ARHGEF10: variants seen among roughly 807,000 people sequenced by gnomAD.
ARHGEF10 encodes Rho guanine nucleotide exchange factor (GEF) 10.
In ARHGEF10, 140 loss-of-function variants were observed where a neutral mutation model predicts 147.4. That is an observed-to-expected ratio of 0.95 (90% confidence interval 0.83 to 1.09). ARHGEF10 has a LOEUF of 1.09. ARHGEF10 is among the 50% of genes least tolerant of loss of function. The probability of loss-of-function intolerance (pLI) is 0.00; values close to 1 mark genes in which losing one functional copy is unlikely to be tolerated. For synonymous variants in ARHGEF10, 902 were observed against 695.8 expected, an observed-to-expected ratio of 1.30 and a Z score of -4.67; for missense variants, 2,222 against 1,752.7, an observed-to-expected ratio of 1.27 and a Z score of -4.78.
chr8:1,921,130 T>G (rs1305890492), intron 18 of ARHGEF10, among the ~76,000 whole-genome samples: 1 of 152,192 alleles, frequency 6.6e-6, no homozygotes, highest in Non-Finnish European at 1.5e-5. Flanking sequence ...ATGCAGTTAG[T>G]AATTGCATTT....
intron 26 of ARHGEF10, among the ~76,000 whole-genome samples, chr8:1,935,200 C>G (rs1433074815): frequency 2.6e-5 from 4 of 152,050 alleles, no homozygotes; most frequent in Admixed American, 2.6e-4. Context: ...CCCCTCCTCC[C>G]ACACACGCAC....
chr8:1,944,233 G>GCCTCCTGCACCGTGTCGCCTCCCTGGGGA (rs1563322615), intron 26 of ARHGEF10, among the ~76,000 whole-genome samples: 1 of 148,696 alleles, frequency 6.7e-6, no homozygotes, highest in Non-Finnish European at 1.5e-5. Flanking sequence ...CTCCCTGGGG[G>GCCTCCTGCACCGTGTCGCCTCCCTGGGGA]CCCCAGCCTC....
intron 2 of ARHGEF10, among the ~76,000 whole-genome samples, chr8:1,851,008 A>C (rs1398497808): frequency 6.8e-6 from 1 of 146,948 alleles, no homozygotes. Flanking sequence ...TTATACAGTA[A>C]CAAGCTCAGG....
intron 18 of ARHGEF10, among the ~76,000 whole-genome samples, chr8:1,912,623 A>C (rs976997703): frequency 6.6e-6 from 1 of 152,196 alleles, no homozygotes; most frequent in South Asian, 2.1e-4. Flanking sequence ...GGTGTTCGAC[A>C]TCCGGAGTTA....
intron 28 of ARHGEF10, among the ~76,000 whole-genome samples, chr8:1,954,829 T>C (rs560610969): frequency 6.6e-6 from 1 of 152,386 alleles, no homozygotes; most frequent in South Asian, 2.1e-4. Context: ...GCAGCCTCTG[T>C]TGCTTTTTCT....
rs565275794 is a variant in ARHGEF10, at chr8:1,887,785, G to A, written c.1182+2078G>A. The stretch of plus-strand genomic sequence containing the variant: ...GTGGGGTGAGGGTTGTGATGAGACA[G>A]TGAGTGGAGTAAGGGTTGTGGGGAG... On this transcript the variant is annotated intron_variant, in intron 11 of 28. Coordinates refer to ENST00000349830, the MANE Select transcript of ARHGEF10 (RefSeq NM_014629.4). Among the ~76,000 whole-genome samples, 10 of 133,570 alleles carry A rather than the reference G, an allele frequency of 7.5e-5. No individual in the cohort carries two copies. The East Asian group carries it at 2.5e-3, about 34-fold the overall frequency. The allele number at this position is 133,570 out of a possible 152,430, so 87.6% of individuals were successfully genotyped here.
intron 2 of ARHGEF10, among the ~76,000 whole-genome samples, chr8:1,846,594 T>G (rs977035026): frequency 1.3e-5 from 2 of 152,242 alleles, no homozygotes; most frequent in African/African-American, 4.8e-5. Context: ...CTTTTTTTTT[T>G]TGAGACGGAG....
intron 1 of ARHGEF10, among the ~76,000 whole-genome samples, chr8:1,841,190 A>T (rs1408398474): frequency 1.3e-5 from 2 of 152,148 alleles, no homozygotes; most frequent in African/African-American, 4.8e-5. Flanking sequence ...TGGTTTCTCC[A>T]TTGAAAAATA....
chr8:1,882,103 C>T (rs1000805227), intron 9 of ARHGEF10, among the ~76,000 whole-genome samples: 1 of 152,182 alleles, frequency 6.6e-6, no homozygotes, highest in Non-Finnish European at 1.5e-5. Flanking sequence ...GACCCTCCCT[C>T]AGGTGTGTCC....
At chr8:1,871,829 AAAAC>A (rs1807156140) in intron 7 of ARHGEF10, among the ~76,000 whole-genome samples, 1 of 152,208 alleles carries the variant, frequency 6.6e-6, no homozygotes, top group African/African-American at 2.4e-5. Context: ...AAAACAAAAC[AAAAC>A]AAACAACAGA....
intron 13 of ARHGEF10, 73 bp downstream of exon 13, chr8:1,894,645 A>T: frequency 6.4e-7 from 1 of 1,553,618 alleles, no homozygotes; most frequent in South Asian, 1.1e-5. Flanking sequence ...TCTTAGGCTG[A>T]TGTTTTGCCC....
intron 7 of ARHGEF10, chr8:1,876,327 G>C (rs1205622114): frequency 1.7e-6 from 1 of 571,558 alleles, no homozygotes; most frequent in Non-Finnish European, 3.1e-6. Context: ...GTACAGATGG[G>C]GCAGGGGCAC....
rs768339597 is a variant in ARHGEF10 at position 1,928,567 on chromosome 8, G to T, written c.2838G>T (p.Glu946Asp). The change falls in exon 24 of 29, where the codon GAG (glutamate) becomes GAT (aspartate). Residue 946 changes from glutamate (E) to aspartate (D), a missense_variant. Coordinates refer to ENST00000349830, the MANE Select transcript of ARHGEF10 (RefSeq NM_014629.4). ...TTCCCGTCGAGGAGAAGCGCAGAGA[G>T]CCTGGGGCACCCCCGGACCCCGAGA... is the stretch of plus-strand genomic sequence containing the variant. ...LYVPVEEKRR[E>D]PGAPPDPETP... 9.9e-6 allele frequency: 16 copies of T among 1,614,114 alleles called. No homozygotes were observed. Among genetic ancestry groups the T allele is most frequent in the Admixed American group, 5.0e-5 (3 of 60,014 alleles).
In ARHGEF10 at chr8:1,957,626, A is replaced by T. The variant is rs1815688330; in HGVS notation, c.*363A>T. 4.1e-6 allele frequency: 1 copy of T among 245,090 alleles called. No homozygotes were observed. The highest frequency in any genetic ancestry group is 7.9e-6 in the Non-Finnish European group (1 of 127,212). The allele number at this position is 245,090 out of a possible 1,614,324, so 15.2% of individuals were successfully genotyped here. On this transcript the variant is annotated 3_prime_UTR_variant, in exon 29 of 29. Coordinates refer to ENST00000349830, the MANE Select transcript of ARHGEF10 (RefSeq NM_014629.4). ...TTGTATCATATTAGAGAATTTGCAG[A>T]CTAAGAATTTATGAGAAAATATATG...
At chr8:1,905,399 C>A (rs1478935721) in intron 16 of ARHGEF10, among the ~76,000 whole-genome samples, 172 bp from the exon 17 acceptor site, 3 of 152,158 alleles carry the variant, frequency 2.0e-5, no homozygotes, top group Non-Finnish European at 2.9e-5. Context: ...CGGTGAAAGT[C>A]TGTGAGGAAG....
At chr8:1,926,570 G>T (rs1376604925) in intron 23 of ARHGEF10, 107 bp downstream of exon 23, 1 of 1,012,676 alleles carries the variant, frequency 9.9e-7, no homozygotes, top group Non-Finnish European at 1.5e-6. Flanking sequence ...AGTTGGCGGT[G>T]GCGTATCCCA....
chr8:1,854,955 C>A (rs569715046), intron 2 of ARHGEF10, among the ~76,000 whole-genome samples: 1 of 152,076 alleles, frequency 6.6e-6, no homozygotes, highest in Non-Finnish European at 1.5e-5. Context: ...ACCGGTCTCC[C>A]GGGGCTGGTG....
chr8:1,946,233 G>C (rs1263722902), intron 27 of ARHGEF10, among the ~76,000 whole-genome samples: 1 of 152,222 alleles, frequency 6.6e-6, no homozygotes, highest in Non-Finnish European at 1.5e-5. Context: ...GTAGCCGGAG[G>C]CCGCTGTGGG....
In ARHGEF10 at chr8:1,868,418, T is replaced by C. The variant is rs117460545; in HGVS notation, c.623-776T>C. ...CGCTAGTCAATGAGTGGAACCTCGA[T>C]TTAAAGGTCTTTTTATGAAACGGAT... On this transcript the variant is annotated intron_variant, in intron 6 of 28. Coordinates refer to ENST00000349830, the MANE Select transcript of ARHGEF10 (RefSeq NM_014629.4). Among the ~76,000 whole-genome samples the C allele has an allele frequency of 5.8e-3, 884 of 152,334 alleles. 5 individuals carry two copies. Among genetic ancestry groups the C allele is most frequent in the Non-Finnish European group, 0.011 (721 of 68,026 alleles).
Sources: gnomAD v4.1 joint callset for allele counts (sites outside exome capture counted in the v4.1 genomes callset) on GRCh38, gnomAD v4.1.1 for gene constraint, MANE v1.5 for transcripts, NCBI Gene and HGNC (gene_info 2026-07-23, HGNC 2026-07-21) for gene names.